Variants in ANK2 observed in about 807,000 individuals in gnomAD.
The protein encoded by ANK2 is ankyrin-2.
Under a neutral mutation model 360.5 loss-of-function variants are expected in ANK2, and 83 were observed. The observed-to-expected ratio is 0.23, with a 90% CI of 0.19 to 0.28. ANK2 has a LOEUF of 0.28. Ranked by LOEUF, ANK2 falls within the 10% of genes least tolerant of loss-of-function variation. The pLI is 1.00. For missense variants in ANK2, 4,201 were observed against 4,795.7 expected (o/e 0.88, Z 3.66); for synonymous variants, 1,740 against 1,759.5 (o/e 0.99, Z 0.28).
chr4:113,293,434 C>G lies in ANK2; in HGVS notation c.2377-6C>G. ...TCTCACTCTCTCTCTTTCACTCTCT[C>G]TTCAGAATGGCAACACTGCCTTGGC... On this transcript the variant is annotated splice_region_variant and splice_polypyrimidine_tract_variant and intron_variant, in intron 21 of 45. Coordinates refer to ENST00000357077, the MANE Select transcript of ANK2 (RefSeq NM_001148.6). 1 of 1,612,026 alleles carries G rather than the reference C, an allele frequency of 6.2e-7. No homozygotes were observed. Among genetic ancestry groups the G allele is most frequent in the Non-Finnish European group, 8.5e-7 (1 of 1,178,856 alleles).
chr4:113,202,521 A>G (rs149351065), intron 4 of ANK2, among the ~76,000 whole-genome samples: 47 of 152,370 alleles, frequency 3.1e-4, no homozygotes, highest in Admixed American at 1.9e-3. Context: ...TGAAATGCAG[A>G]ATAGTCTGAA....
At chr4:112,826,943 G>C (rs1444844678) in intron 1 of ANK2, 12 of 1,538,370 alleles carry the variant, frequency 7.8e-6, no homozygotes, top group Non-Finnish European at 1.1e-5. Context: ...ACTCTGAATT[G>C]GTTGGCACAC....
chr4:113,177,702 A>G (rs982725294), intron 2 of ANK2, among the ~76,000 whole-genome samples: 7 of 152,220 alleles, frequency 4.6e-5, no homozygotes, highest in Non-Finnish European at 1.0e-4. Flanking sequence ...GCTTTTTCTT[A>G]TAGTGGCCAG....
the ANK2 span, among the ~76,000 whole-genome samples, chr4:112,751,111 A>G: frequency 2.0e-5 from 3 of 152,048 alleles, no homozygotes; most frequent in South Asian, 2.1e-4. Flanking sequence ...ATCATAACCC[A>G]GTTTTCCTGC....
Position 113,332,350 on chromosome 4 carries a change from G to C in ANK2, c.3224+280G>C, listed in dbSNP as rs569710359. 2.8e-4 allele frequency among the ~76,000 whole-genome samples: 43 copies of C among 152,202 alleles called. No individual in the cohort carries two copies. In the South Asian group the frequency reaches 2.9e-3, roughly 10 times the overall value. ...TGTACTATGTGCTAGTTATGATGTT[G>C]TTATGATGAATTTGGAGTCTGTATC... is the stretch of plus-strand genomic sequence containing the variant. On this transcript the variant is annotated intron_variant, in intron 28 of 45. Coordinates refer to ENST00000357077, the MANE Select transcript of ANK2 (RefSeq NM_001148.6).
intron 1 of ANK2, among the ~76,000 whole-genome samples, chr4:112,861,574 A>C (rs1214376198): frequency 6.6e-6 from 1 of 152,154 alleles, no homozygotes; most frequent in African/African-American, 2.4e-5. Context: ...TCAGCTGTAC[A>C]CCAAGTGGCT....
At chr4:112,909,395 T>C (rs1424601112) in intron 2 of ANK2, among the ~76,000 whole-genome samples, 1 of 152,216 alleles carries the variant, frequency 6.6e-6, no homozygotes, top group Non-Finnish European at 1.5e-5. Context: ...TCTTAATCCA[T>C]TTATTGTTTC....
intron 4 of ANK2, among the ~76,000 whole-genome samples, chr4:113,212,026 G>A (rs546597967): frequency 2.0e-4 from 30 of 152,158 alleles, no homozygotes; most frequent in South Asian, 2.1e-4. Flanking sequence ...CCTGAAAAGC[G>A]TGACAATATT....
At position 113,167,303 on chromosome 4, in the gene ANK2, CT is replaced by C. The variant is rs111441839; in HGVS notation, c.85-7099del. On this transcript the variant is annotated intron_variant, in intron 1 of 45. Transcript: ENST00000357077. ...ACTCTGTTGCCTAAACTAGGGTCACCTTTTTTTTTTTTTTGGAAACAGAGTT... is the reference window on the plus strand; with the variant it reads ...ACTCTGTTGCCTAAACTAGGGTCACCTTTTTTTTTTTTTGGAAACAGAGTT... Among the ~76,000 whole-genome samples the C allele has an allele frequency of 4.4e-3, 626 of 140,944 alleles. 1 individual carries two copies. The highest frequency in any genetic ancestry group is 9.2e-3 in the African/African-American group (356 of 38,740). 92.5% of individuals were successfully genotyped at this position (140,944 alleles called of 152,430 possible). A position where few individuals can be genotyped will look rare whatever the true frequency, so the allele number is the denominator to read the frequency against.
At chr4:112,904,134 A>C (rs191129044) in intron 1 of ANK2, among the ~76,000 whole-genome samples, 1 of 152,344 alleles carries the variant, frequency 6.6e-6, no homozygotes, top group Admixed American at 6.5e-5. Context: ...CTCTGAAAGT[A>C]AACATAATCT....
chr4:113,148,787 G>A (rs1182172110), intron 1 of ANK2, among the ~76,000 whole-genome samples: 1 of 152,170 alleles, frequency 6.6e-6, no homozygotes, highest in African/African-American at 2.4e-5. Flanking sequence ...GAAATGTACT[G>A]GGAACGTTCA....
chr4:113,330,657 G>A (rs981288751), intron 27 of ANK2, among the ~76,000 whole-genome samples, 187 bp downstream of exon 27: 1 of 152,172 alleles, frequency 6.6e-6, no homozygotes, highest in Non-Finnish European at 1.5e-5. Context: ...TTATTTTAAG[G>A]CATTAATGAG....
At chr4:112,792,908 A>C in the ANK2 span, among the ~76,000 whole-genome samples, 1 of 152,138 alleles carries the variant, frequency 6.6e-6, no homozygotes, top group African/African-American at 2.4e-5. Flanking sequence ...TAAAGCTGAA[A>C]CATGCTTATT....
intron 2 of ANK2, chr4:113,034,477 C>G (rs532770693): frequency 6.6e-6 from 1 of 152,076 alleles, no homozygotes; most frequent in African/African-American, 2.4e-5. Context: ...TTTAACTTTC[C>G]TAGGTTTAAG....
At chr4:113,328,662 A>G (rs2153906146) in intron 26 of ANK2, among the ~76,000 whole-genome samples, 1 of 152,310 alleles carries the variant, frequency 6.6e-6, no homozygotes, top group South Asian at 2.1e-4. Context: ...TAAGCGGGCT[A>G]GGTATGAATG....
intron 1 of ANK2, among the ~76,000 whole-genome samples, chr4:113,131,356 A>C (rs72892039): frequency 0.015 from 2,231 of 152,174 alleles, 52 homozygotes; most frequent in African/African-American, 0.048. Flanking sequence ...TTTCAGTTTG[A>C]CTTTGATGAA....
At chr4:112,738,810 A>C in the ANK2 span, 1 of 625,596 alleles carries the variant, frequency 1.6e-6, no homozygotes, top group Non-Finnish European at 3.0e-6. Context: ...CAGGGTTCAT[A>C]GAAGGTTCAA....
chr4:113,025,995 G>A (rs1435449302), intron 2 of ANK2, among the ~76,000 whole-genome samples: 1 of 152,148 alleles, frequency 6.6e-6, no homozygotes, highest in Non-Finnish European at 1.5e-5. Context: ...GTAAATAAAT[G>A]AAACTGGTTG....
rs751501210 is a variant in ANK2, at chr4:113,373,388, G to A, written c.11798G>A (p.Gly3933Glu). 2.5e-6 allele frequency: 4 copies of A among 1,614,174 alleles called. No homozygotes were observed. Among genetic ancestry groups the A allele is most frequent in the African/African-American group, 2.7e-5 (2 of 75,048 alleles). ...CAGGAACCTGTCAACATCGAGGAAG[G>A]GGATGGCTATTCCAAAGTTATAAAG... ...MPQEPVNIEE[G>E]DGYSKVIKRV... Residue 3933 changes from glycine (G) to glutamate (E), a missense_variant, in exon 45 of 46, where the codon GGG (glycine) becomes GAG (glutamate). Physicochemically the swap from Gly to Glu is moderately conservative, Grantham distance 98. This residue lies in a region of ANK2 where 2,642 missense variants were observed against 2,714.5 expected (regional missense o/e 0.97). Coordinates refer to ENST00000357077, the MANE Select transcript of ANK2 (RefSeq NM_001148.6).
Sources: allele counts gnomAD v4.1 joint callset (sites outside exome capture counted in the v4.1 genomes callset), GRCh38; gene constraint gnomAD v4.1.1; regional missense constraint gnomAD v4.1.1; transcripts MANE v1.5; gene names NCBI Gene and HGNC (gene_info 2026-07-23, HGNC 2026-07-21).